Variants in ACSM1 observed in about 807,000 individuals in gnomAD.
ACSM1 encodes the protein acyl-coenzyme A synthetase ACSM1, mitochondrial.
ACSM1 carries 79 observed loss-of-function variants against 75.8 expected under a neutral mutation model. That is an observed-to-expected ratio of 1.04 (90% CI 0.87 to 1.26). The LOEUF is 1.26. Among genes scored for constraint, ACSM1 ranks in the 50% most tolerant of loss-of-function variants. ACSM1 has a pLI of 0.00. For missense variants in ACSM1, 676 were observed against 720.1 expected (o/e 0.94, Z 0.70); for synonymous variants, 279 against 265.8 (o/e 1.05, Z -0.48).
At chr16:20,671,476 CACAA>C (rs1254735447) in intron 5 of ACSM1, 51 bp downstream of exon 5, 5 of 1,523,206 alleles carry the variant, frequency 3.3e-6, no homozygotes, top group Admixed American at 1.9e-5. Context: ...CACACACACA[CACAA>C]ACTTTGCCCA....
At chr16:20,683,819 C>T (rs1190021397) in intron 3 of ACSM1, among the ~76,000 whole-genome samples, 2 of 151,462 alleles carry the variant, frequency 1.3e-5, no homozygotes. Flanking sequence ...CCACCCACCT[C>T]AGCCTCCCAA....
chr16:20,638,555 C>T (rs2017867417), intron 8 of ACSM1, among the ~76,000 whole-genome samples: 2 of 152,226 alleles, frequency 1.3e-5, no homozygotes, highest in Non-Finnish European at 2.9e-5. Context: ...TGAGCATATA[C>T]AACAGGCGGG....
chr16:20,650,464 G>T (rs978679261), intron 7 of ACSM1, among the ~76,000 whole-genome samples: 7 of 151,958 alleles, frequency 4.6e-5, no homozygotes, highest in Admixed American at 3.9e-4. Context: ...ATTTAAAATT[G>T]CTCATCCAGG....
chr16:20,645,512 T>C (rs77766344), intron 7 of ACSM1, among the ~76,000 whole-genome samples: 2 of 152,322 alleles, frequency 1.3e-5, no homozygotes, highest in Admixed American at 6.5e-5. Flanking sequence ...GATGGCTACA[T>C]TGATGTTTTA....
At chr16:20,643,462 C>T (rs2018180130) in intron 7 of ACSM1, among the ~76,000 whole-genome samples, 1 of 152,300 alleles carries the variant, frequency 6.6e-6, no homozygotes, top group South Asian at 2.1e-4. Flanking sequence ...GGTGTTACAG[C>T]TCTTAAAAGT....
chr16:20,628,788 C>A (rs541040032), intron 10 of ACSM1, among the ~76,000 whole-genome samples: 1 of 151,930 alleles, frequency 6.6e-6, no homozygotes, highest in African/African-American at 2.4e-5. Context: ...TTTTTTGTCG[C>A]CCATTTTAAA....
chr16:20,682,402 CT>C lies in ACSM1; in HGVS notation c.464del (p.Gln155ArgfsTer9). The C allele has an allele frequency of 1.9e-6, 3 of 1,614,030 alleles. No homozygotes were observed. Among genetic ancestry groups the C allele is most frequent in the Non-Finnish European group, 2.5e-6 (3 of 1,179,936 alleles). ...LKAKDILYRL[Q>X]LSKAKGIVTI... ...TCACAATGCCCTTGGCTTTAGACAACTGTAGTCGATAGAGAATGTCTTTGGC... is the reference window on the plus strand; with the variant it reads ...TCACAATGCCCTTGGCTTTAGACAACGTAGTCGATAGAGAATGTCTTTGGC... On this transcript the variant is annotated frameshift_variant, in exon 4 of 14. Coordinates refer to ENST00000520010, the MANE Select transcript of ACSM1 (RefSeq NM_001318890.3). LOFTEE classifies it high-confidence loss of function.
rs1444447341 is a variant in ACSM1 at position 20,662,130 on chromosome 16, T to TAAGGCAG, written c.913-264_913-258dup. Among the ~76,000 whole-genome samples the TAAGGCAG allele has an allele frequency of 2.0e-5, 3 of 152,298 alleles. No individual in the cohort carries two copies. In the East Asian group the frequency reaches 5.8e-4, roughly 29 times the overall value. ...ATAGGATAAAACAGGACTCGAATGA[T>TAAGGCAG]AAGGCAGAAGTGGGTAGATGTCATA... On this transcript the variant is annotated intron_variant, in intron 6 of 13. Transcript: ENST00000520010.
chr16:20,634,073 TCC>T (rs1413992039), intron 10 of ACSM1, among the ~76,000 whole-genome samples: 3 of 152,166 alleles, frequency 2.0e-5, no homozygotes, highest in Non-Finnish European at 4.4e-5. Flanking sequence ...GAAGAAACTC[TCC>T]CATATATTGT....
intron 3 of ACSM1, among the ~76,000 whole-genome samples, chr16:20,683,126 A>AT (rs60633738): frequency 2.0e-4 from 29 of 148,228 alleles, no homozygotes; most frequent in Non-Finnish European, 2.7e-4. Context: ...TTATTTATTT[A>AT]TTTTTTTTTA....
chr16:20,632,786 G>C (rs1363676722), intron 10 of ACSM1, among the ~76,000 whole-genome samples: 2 of 151,792 alleles, frequency 1.3e-5, no homozygotes, highest in Non-Finnish European at 2.9e-5. Flanking sequence ...AAAAATCTCA[G>C]CAAAACACTA....
chr16:20,624,281 T>G, intron 12 of ACSM1, 66 bp from the exon 13 acceptor site: 1 of 1,508,386 alleles, frequency 6.6e-7, no homozygotes, highest in Non-Finnish European at 8.9e-7. Context: ...AAGTCAATGT[T>G]TATTGAATGA....
Position 20,686,409 on chromosome 16 carries a change from A to G in ACSM1, c.193-1006T>C, listed in dbSNP as rs553787260. Among the ~76,000 whole-genome samples the G allele has an allele frequency of 2.6e-5, 4 of 152,258 alleles. 1 individual carries two copies. Among genetic ancestry groups the G allele is most frequent in the African/African-American group, 9.6e-5 (4 of 41,552 alleles). ...CCAAACAAATGCCCCCAGTCATGAA[A>G]AAGCCATACTCAATTCCCACTTACA... is the stretch of plus-strand genomic sequence containing the variant. On this transcript the variant is annotated intron_variant, in intron 2 of 13. Coordinates refer to ENST00000520010, the MANE Select transcript of ACSM1 (RefSeq NM_001318890.3).
intron 10 of ACSM1, among the ~76,000 whole-genome samples, chr16:20,634,715 T>C (rs529388883): frequency 3.2e-4 from 49 of 152,296 alleles, no homozygotes; most frequent in African/African-American, 1.1e-3. Flanking sequence ...AGATGTTGCT[T>C]ATTAGTAGAA....
In ACSM1 at chr16:20,691,170, A is replaced by G. The variant is rs143613381; in HGVS notation, c.19T>C (p.Phe7Leu). 5.6e-6 allele frequency: 9 copies of G among 1,599,812 alleles called. No individual in the cohort carries two copies. The African/African-American group carries it at 1.1e-4, about 19-fold the overall frequency. MQWLMR[F>L]RTLWGIHKSF... ...TTGTGGATGCCCCAGAGGGTCCGGA[A>G]CCTCATTAGCCACTGCATGGTGAAA... is the stretch of plus-strand genomic sequence containing the variant. The change falls in exon 2 of 14, where the codon TTC becomes CTC. Residue 7 changes from phenylalanine to leucine, a missense_variant. Phe to Leu is a conservative substitution (Grantham distance 22). Coordinates refer to ENST00000520010, the MANE Select transcript of ACSM1 (RefSeq NM_001318890.3).
intron 2 of ACSM1, among the ~76,000 whole-genome samples, chr16:20,686,954 C>T (rs1038157980): frequency 6.6e-6 from 1 of 150,720 alleles, no homozygotes; most frequent in Non-Finnish European, 1.5e-5. Flanking sequence ...AAAAGCCATA[C>T]TCAAAATGGT....
intron 5 of ACSM1, among the ~76,000 whole-genome samples, chr16:20,670,329 C>G (rs2019825567): frequency 6.6e-6 from 1 of 152,192 alleles, no homozygotes; most frequent in African/African-American, 2.4e-5. Flanking sequence ...ACCAGCAGAT[C>G]TGGTCCACTC....
At chr16:20,679,951 A>C (rs2079404485) in intron 4 of ACSM1, 1 of 152,250 alleles carries the variant, frequency 6.6e-6, no homozygotes, top group Non-Finnish European at 1.5e-5. Context: ...TATGCTGCAT[A>C]TGTTCACAAT....
intron 10 of ACSM1, 35 bp from the exon 11 acceptor site, chr16:20,627,351 G>A (rs181356222): frequency 6.5e-7 from 1 of 1,547,218 alleles, no homozygotes; most frequent in Non-Finnish European, 8.7e-7. Flanking sequence ...GTTGAAGGCA[G>A]TGAATTTAGA....
Sources: allele counts gnomAD v4.1 joint callset (sites outside exome capture counted in the v4.1 genomes callset), GRCh38; gene constraint gnomAD v4.1.1; transcripts MANE v1.5; gene names NCBI Gene and HGNC (gene_info 2026-07-23, HGNC 2026-07-21).